Variants in LRRTM4 observed in about 807,000 individuals in gnomAD.
LRRTM4 encodes leucine rich repeat transmembrane neuronal 4.
In LRRTM4, 25 loss-of-function variants were observed where a neutral mutation model predicts 47.6. The ratio of observed to expected loss-of-function variants is 0.53; its 90% confidence interval spans 0.38 to 0.73. LRRTM4 has a LOEUF of 0.73. Ranked by LOEUF, LRRTM4 falls within the 30% of genes least tolerant of loss-of-function variation. The pLI is 0.00. For synonymous variants in LRRTM4, 311 were observed against 269.5 expected (o/e 1.15, Z -1.51); for missense variants, 638 against 713.4 (o/e 0.89, Z 1.20).
At chr2:76,850,713 ATG>A (rs991882727) in intron 3 of LRRTM4, among the ~76,000 whole-genome samples, 2 of 152,152 alleles carry the variant, frequency 1.3e-5, no homozygotes, top group Admixed American at 1.3e-4. Context: ...TCTGATATGT[ATG>A]TGTGTGTATT....
chr2:76,966,507 T>C (rs1201474613), intron 3 of LRRTM4, among the ~76,000 whole-genome samples: 1 of 151,458 alleles, frequency 6.6e-6, no homozygotes, highest in Non-Finnish European at 1.5e-5. Flanking sequence ...CATAAGGCTC[T>C]TTCACTTCTA....
intron 3 of LRRTM4, among the ~76,000 whole-genome samples, chr2:77,044,373 C>A (rs1017771554): frequency 2.0e-5 from 3 of 151,758 alleles, no homozygotes; most frequent in African/African-American, 7.2e-5. Flanking sequence ...TTACATCAAA[C>A]AGTCCAAACA....
At chr2:77,243,991 A>G (rs1018412486) in intron 3 of LRRTM4, among the ~76,000 whole-genome samples, 1 of 129,068 alleles carries the variant, frequency 7.7e-6, no homozygotes, top group African/African-American at 3.0e-5. Context: ...TCATTGTTCA[A>G]TTCCCACCTA....
chr2:77,199,722 A>T (rs1673923100), intron 3 of LRRTM4, among the ~76,000 whole-genome samples: 1 of 152,138 alleles, frequency 6.6e-6, no homozygotes, highest in African/African-American at 2.4e-5. Flanking sequence ...CTGTCATGTT[A>T]GTACACTTAA....
chr2:77,087,818 AAG>A (rs1680775079), intron 3 of LRRTM4, among the ~76,000 whole-genome samples: 1 of 151,510 alleles, frequency 6.6e-6, no homozygotes, highest in Non-Finnish European at 1.5e-5. Context: ...ATTATTTAAG[AAG>A]AGCTCTTTAA....
chr2:76,945,149 T>A (rs1675281404), intron 3 of LRRTM4, among the ~76,000 whole-genome samples: 1 of 152,090 alleles, frequency 6.6e-6, no homozygotes, highest in African/African-American at 2.4e-5. Flanking sequence ...GTAAAGGGAA[T>A]CTTACCAAGT....
In LRRTM4 at chr2:76,966,724, T is replaced by C. The variant is rs150652671; in HGVS notation, c.1552-217808A>G. Among the ~76,000 whole-genome samples the C allele has an allele frequency of 2.1e-3, 320 of 151,650 alleles. 1 individual carries two copies. Among genetic ancestry groups the C allele is most frequent in the African/African-American group, 7.3e-3 (304 of 41,508 alleles). ...AAAAATACTAGTGTCATGCTTTTAA[T>C]GACAATCTAATTACCAATTCCAACA... On this transcript the variant is annotated intron_variant, in intron 3 of 3. Coordinates refer to ENST00000409884, the MANE Select transcript of LRRTM4 (RefSeq NM_001134745.3).
intron 3 of LRRTM4, among the ~76,000 whole-genome samples, chr2:77,056,146 A>T (rs1029688786): frequency 2.6e-5 from 4 of 151,546 alleles, no homozygotes; most frequent in Non-Finnish European, 5.9e-5. Context: ...CATATGTAAC[A>T]AACCTGCACA....
At chr2:77,452,090 T>A (rs1042362594) in intron 3 of LRRTM4, among the ~76,000 whole-genome samples, 1 of 151,608 alleles carries the variant, frequency 6.6e-6, no homozygotes, top group African/African-American at 2.4e-5. Context: ...GAGTTCAGAT[T>A]TCACATTAAA....
chr2:76,833,466 C>A (rs1573184408), intron 3 of LRRTM4, among the ~76,000 whole-genome samples: 1 of 152,064 alleles, frequency 6.6e-6, no homozygotes, highest in African/African-American at 2.4e-5. Context: ...TCCTAATATA[C>A]AACAGTTTTC....
rs376574086 is a variant in LRRTM4 at position 76,818,504 on chromosome 2, T to C, written c.1552-69588A>G. On this transcript the variant is annotated intron_variant, in intron 3 of 3. Coordinates refer to ENST00000409884, the MANE Select transcript of LRRTM4 (RefSeq NM_001134745.3). Reference sequence around the variant, plus strand: ...CTCCTGGAGTGAGCAAATGCTTGTATAAAAACTATTACACATTGAAAGAAC... The same window carrying C: ...CTCCTGGAGTGAGCAAATGCTTGTACAAAAACTATTACACATTGAAAGAAC... Among the ~76,000 whole-genome samples, 12 of 151,900 alleles carry C rather than the reference T, an allele frequency of 7.9e-5. No homozygotes were observed. In the East Asian group the frequency reaches 1.7e-3, roughly 22 times the overall value.
intron 3 of LRRTM4, among the ~76,000 whole-genome samples, chr2:77,501,087 T>C (rs990488173): frequency 6.6e-6 from 1 of 150,970 alleles, no homozygotes; most frequent in Non-Finnish European, 1.5e-5. Flanking sequence ...GAAAACAAGA[T>C]AGTGGGAAAG....
chr2:76,752,078 G>A (rs528768995), intron 3 of LRRTM4, among the ~76,000 whole-genome samples: 13 of 152,226 alleles, frequency 8.5e-5, no homozygotes, highest in South Asian at 4.1e-4. Flanking sequence ...TTTGTTCACC[G>A]TCTTGTAGCT....
chr2:77,055,167 C>A (rs1679561019), intron 3 of LRRTM4, among the ~76,000 whole-genome samples: 1 of 151,600 alleles, frequency 6.6e-6, no homozygotes, highest in Non-Finnish European at 1.5e-5. Context: ...CTTCCCTCTG[C>A]CATGACAGCC....
rs538188585 is a variant in LRRTM4, at chr2:76,896,155, GTATT to G, written c.1552-147243_1552-147240del. Among the ~76,000 whole-genome samples the G allele has an allele frequency of 1.2e-3, 176 of 152,046 alleles. 2 individuals are homozygous for G. The highest frequency in any genetic ancestry group is 1.9e-3 in the Non-Finnish European group (129 of 67,952). On this transcript the variant is annotated intron_variant, in intron 3 of 3. Coordinates refer to ENST00000409884, the MANE Select transcript of LRRTM4 (RefSeq NM_001134745.3). ...GGAAAATTTCATAAAATTAATGTAA[GTATT>G]TAAAGTGTCTTACACTGGTTAGAGT...
chr2:76,801,172 C>T (rs1321822687), intron 3 of LRRTM4, among the ~76,000 whole-genome samples: 2 of 152,082 alleles, frequency 1.3e-5, no homozygotes, highest in African/African-American at 4.8e-5. Flanking sequence ...GGTATATACC[C>T]AAATGCCTAT....
chr2:76,888,230 A>G (rs919169998), intron 3 of LRRTM4, among the ~76,000 whole-genome samples: 6 of 151,370 alleles, frequency 4.0e-5, no homozygotes, highest in Non-Finnish European at 8.9e-5. Context: ...GAAATGTAGA[A>G]AATAGCCCTG....
At chr2:77,097,610 G>T (rs1670845295) in intron 3 of LRRTM4, among the ~76,000 whole-genome samples, 1 of 151,844 alleles carries the variant, frequency 6.6e-6, no homozygotes, top group African/African-American at 2.4e-5. Flanking sequence ...AATTAAAAGA[G>T]AAGTCATATT....
chr2:77,212,550 A>AAT (rs149487043), intron 3 of LRRTM4, among the ~76,000 whole-genome samples: 4,698 of 147,226 alleles, frequency 0.032, 155 homozygotes, highest in African/African-American at 0.086. Context: ...TAATCTTGAG[A>AAT]ATATATATAT....
Sources: gnomAD v4.1 joint callset for allele counts (sites outside exome capture counted in the v4.1 genomes callset) on GRCh38, gnomAD v4.1.1 for gene constraint, MANE v1.5 for transcripts, NCBI Gene and HGNC (gene_info 2026-07-23, HGNC 2026-07-21) for gene names.